HELZ2: variants seen among roughly 807,000 people sequenced by gnomAD.
The protein encoded by HELZ2 is 3'-5' exoribonuclease HELZ2.
In HELZ2, 143 loss-of-function variants were observed where a neutral mutation model predicts 208.8. The ratio of observed to expected loss-of-function variants is 0.68; its 90% CI spans 0.60 to 0.79. The LOEUF (loss-of-function observed/expected upper bound fraction) is 0.79. Among genes scored for constraint, HELZ2 ranks in the 30% least tolerant of loss-of-function variants. The probability of loss-of-function intolerance (pLI) is 0.00; values close to 1 mark genes in which losing one functional copy is unlikely to be tolerated. For missense variants in HELZ2, 3,690 were observed against 3,794.5 expected (o/e 0.97, Z 0.72); for synonymous variants, 1,705 against 1,693.7 (o/e 1.01, Z -0.16).
At chr20:63,566,805 G>A (rs964956762) in intron 6 of HELZ2, 39 bp downstream of exon 7, 3 of 1,534,934 alleles carry the variant, frequency 2.0e-6, no homozygotes, top group Non-Finnish European at 2.6e-6. Context: ...CCCCCAGCAG[G>A]GGTGCGGTCG....
At chr20:63,559,759 G>C (rs1600964342) in intron 18 of HELZ2, among the ~76,000 whole-genome samples, 169 bp downstream of exon 19, 1 of 118,768 alleles carries the variant, frequency 8.4e-6, no homozygotes, top group South Asian at 4.0e-4. Flanking sequence ...CAGGTGGGAG[G>C]AGTCAGGGTC....
chr20:63,559,121 A>T, downstream of HELZ2: 1 of 1,040,982 alleles, frequency 9.6e-7, no homozygotes, highest in Non-Finnish European at 1.3e-6. Context: ...TTCCTGCCCC[A>T]GGGAGATCCT....
intron 8 of HELZ2, 69 bp from the exon 10 acceptor site, chr20:63,562,451 C>G (rs1228759989): frequency 1.3e-6 from 2 of 1,523,018 alleles, no homozygotes; most frequent in East Asian, 2.4e-5. Flanking sequence ...CCCACGAGCT[C>G]CCCCCTCCTG....
exon 8 of HELZ2, chr20:63,564,329 C>T (rs772873212): frequency 5.1e-5 from 81 of 1,585,784 alleles, no homozygotes; most frequent in Non-Finnish European, 6.6e-5. Flanking sequence ...CAGGCGGTGC[C>T]GGCGCAGCAG....
Position 63,572,278 on chromosome 20 carries a change from AG to A in HELZ2, c.107del (p.Pro36LeufsTer135). 6.3e-7 allele frequency: 1 copy of A among 1,586,158 alleles called. No individual in the cohort carries two copies. The highest frequency in any genetic ancestry group is 8.6e-7 in the Non-Finnish European group (1 of 1,167,522). ...AGGCCGGGCAGTACAGCTGGGCCCC[AG>A]GGGGCTGGCCAAGGGGGGCCGTGCG... On this transcript the variant is annotated frameshift_variant, in exon 1 of 19. Coordinates refer to ENST00000467148, the Ensembl canonical transcript of HELZ2. LOFTEE classifies it high-confidence loss of function.
At chr20:63,572,320 G>T in exon 1 of HELZ2, 1 of 1,586,610 alleles carries the variant, frequency 6.3e-7, no homozygotes, top group Non-Finnish European at 8.5e-7. Context: ...CGCCATCAGG[G>T]GCAGGGGGTG....
rs114297966 is a variant in HELZ2 at position 63,567,229 on chromosome 20, C to T, written c.2129G>A (p.Arg710Gln). The change falls in exon 6 of 19, where the codon CGG becomes CAG. Residue 710 changes from arginine (R) to glutamine (Q), a missense_variant. Coordinates refer to ENST00000467148, the Ensembl canonical transcript of HELZ2. ...GTGCAGCAGCGTGTGCTCGGCCGCC[C>T]GGGCCCTGGCCACACTGAACAGCCG... is the stretch of plus-strand genomic sequence containing the variant. The T allele has an allele frequency of 6.0e-4, 970 of 1,607,734 alleles. 1 individual carries two copies. The highest frequency in any genetic ancestry group is 7.5e-4 in the Non-Finnish European group (887 of 1,179,830).
chr20:63,572,274 C>T (rs749967205), exon 1 of HELZ2: 3 of 1,585,874 alleles, frequency 1.9e-6, no homozygotes, highest in Non-Finnish European at 2.6e-6. Context: ...TACAGCTGGG[C>T]CCCAGGGGGC....
chr20:63,560,842 C>T (rs758918320), exon 15 of HELZ2: 5 of 1,613,216 alleles, frequency 3.1e-6, no homozygotes, highest in East Asian at 2.2e-5. Context: ...TGGTACCGCT[C>T]GAACAGAGAC....
rs1462225915 is a variant in HELZ2, at chr20:63,566,196, GCA to G, written c.2624_2625del (p.Val875AlafsTer15). The G allele has an allele frequency of 2.6e-6, 4 of 1,513,644 alleles. No individual in the cohort carries two copies. Among genetic ancestry groups the G allele is most frequent in the East Asian group, 4.7e-5 (2 of 42,468 alleles). 93.8% of individuals were successfully genotyped at this position (1,513,644 alleles called of 1,614,324 possible). On this transcript the variant is annotated frameshift_variant, in exon 8 of 19. Transcript: ENST00000467148. LOFTEE classifies it high-confidence loss of function. ...GGGCTGAGCAGGCTCTGGCAGGTGT[GCA>G]CAGTGCTGAGCACCACGACCCGGAA...
chr20:63,565,518 C>T lies in HELZ2; in HGVS notation c.3304G>A (p.Glu1102Lys), dbSNP rs780708287. The change falls in exon 8 of 19, where the codon GAG becomes AAG. Residue 1102 changes from glutamate (E) to lysine (K), a missense_variant. Coordinates refer to ENST00000467148, the Ensembl canonical transcript of HELZ2. ...TACAGCCGGGCCTGCTGCAGGGACT[C>T]GGGCCTGGCGACAGTGTCCAGCAGC... 2.4e-5 allele frequency: 38 copies of T among 1,606,408 alleles called. No homozygotes were observed. The highest frequency in any genetic ancestry group is 1.3e-4 in the East Asian group (6 of 44,852).
chr20:63,570,773 C>A (rs149272614), exon 2 of HELZ2: 2 of 1,610,802 alleles, frequency 1.2e-6, no homozygotes, highest in South Asian at 2.2e-5. Flanking sequence ...CGCCTGCCCC[C>A]GCAGCTCCAC....
At chr20:63,567,856 G>A (rs1478417638) in intron 5 of HELZ2, 3 of 885,630 alleles carry the variant, frequency 3.4e-6, no homozygotes, top group Non-Finnish European at 5.0e-6. Context: ...TGACACTGCA[G>A]ACACCTGCAC....
At chr20:63,571,363 C>CACTCCAA (rs1555890708) in intron 1 of HELZ2, 2 of 94,632 alleles carry the variant, frequency 2.1e-5, no homozygotes, top group East Asian at 3.0e-4. Flanking sequence ...GCTCCTGCCC[C>CACTCCAA]GCTCCAAGCT....
At chr20:63,560,481 C>T in exon 16 of HELZ2, 1 of 1,610,318 alleles carries the variant, frequency 6.2e-7, no homozygotes, top group Non-Finnish European at 8.5e-7. Flanking sequence ...ACACTCACCA[C>T]CTCAGCCACC....
chr20:63,570,114 AATTTTTTTT>A, intron 3 of HELZ2: 1 of 335,750 alleles, frequency 3.0e-6, no homozygotes, highest in Non-Finnish European at 5.5e-6. Context: ...ATGCCTGGCT[AATTTTTTTT>A]TTTTTTTTTT....
exon 6 of HELZ2, chr20:63,567,039 G>A (rs1431139464): frequency 6.2e-7 from 1 of 1,612,044 alleles, no homozygotes; most frequent in Non-Finnish European, 8.5e-7. Flanking sequence ...GCCGGGGGTG[G>A]GGCGGAACCT....
At position 63,560,098 on chromosome 20, in the gene HELZ2, G is replaced by T; in HGVS notation, c.7658-3C>A. On this transcript the variant is annotated splice_polypyrimidine_tract_variant and splice_region_variant and intron_variant, in intron 17 of 18. Transcript: ENST00000467148. ...CAGCACATAGCGCCACTCGCTCCCT[G>T]CGGGATGGGAGGTGAGGCCCTGCTG... 2 of 1,588,906 alleles carry T rather than the reference G, an allele frequency of 1.3e-6. No individual in the cohort carries two copies. Among genetic ancestry groups the T allele is most frequent in the Non-Finnish European group, 1.7e-6 (2 of 1,171,832 alleles).
exon 8 of HELZ2, chr20:63,564,605 A>G (rs1218638093): frequency 6.4e-7 from 1 of 1,568,338 alleles, no homozygotes; most frequent in Non-Finnish European, 8.6e-7. Flanking sequence ...GGCCGGCAGC[A>G]TGGGCACTGG....
Sources: gnomAD v4.1 joint callset for allele counts (sites outside exome capture counted in the v4.1 genomes callset) on GRCh38, gnomAD v4.1.1 for gene constraint, MANE v1.5 for transcripts, NCBI Gene and HGNC (gene_info 2026-07-23, HGNC 2026-07-21) for gene names.